VOPP1: variants seen among roughly 807,000 people sequenced by gnomAD.
VOPP1 encodes VOPP1 WW domain binding protein.
In VOPP1, 8 loss-of-function variants were observed where a neutral mutation model predicts 23.5. The ratio of observed to expected loss-of-function variants is 0.34; its 90% CI spans 0.20 to 0.61. VOPP1 has a LOEUF of 0.61. Ranked by LOEUF, VOPP1 falls within the 20% of genes least tolerant of loss-of-function variation. The pLI is 0.78. For missense variants in VOPP1, 174 were observed against 238.1 expected (o/e 0.73, Z 1.77); for synonymous variants, 83 against 97.3 (o/e 0.85, Z 0.86).
At chr7:55,508,096 C>T (rs1357819603) in intron 2 of VOPP1, among the ~76,000 whole-genome samples, 1 of 152,172 alleles carries the variant, frequency 6.6e-6, no homozygotes, top group African/African-American at 2.4e-5. Flanking sequence ...TTACTAAAAT[C>T]ACTAATATTA....
At chr7:55,534,480 G>C (rs1796668418) in intron 1 of VOPP1, among the ~76,000 whole-genome samples, 1 of 152,192 alleles carries the variant, frequency 6.6e-6, no homozygotes, top group Non-Finnish European at 1.5e-5. Context: ...CATCATTTCT[G>C]CATTAGTCAT....
intron 2 of VOPP1, 133 bp from the exon 3 acceptor site, chr7:55,497,823 C>T: frequency 1.4e-6 from 1 of 726,074 alleles, no homozygotes. Flanking sequence ...GACAGAACTG[C>T]CTCCACTGCA....
intron 4 of VOPP1, among the ~76,000 whole-genome samples, chr7:55,443,685 C>A (rs1791025487): frequency 6.9e-6 from 1 of 145,058 alleles, no homozygotes; most frequent in African/African-American, 2.5e-5. Flanking sequence ...GCTCTTATCA[C>A]CCAGGCTGGA....
At chr7:55,491,238 A>G (rs139769570) in intron 4 of VOPP1, among the ~76,000 whole-genome samples, 1,774 of 152,366 alleles carry the variant, frequency 0.012, 12 homozygotes, top group Middle Eastern at 0.02. Flanking sequence ...ATATATTAAC[A>G]TAAGACCTAC....
chr7:55,462,656 T>TA (rs1491220127), intron 4 of VOPP1, among the ~76,000 whole-genome samples: 119 of 61,338 alleles, frequency 1.9e-3, no homozygotes, highest in Admixed American at 6.7e-3. Context: ...CTTGATTATA[T>TA]TTTTTTTTTT....
chr7:55,446,606 A>T (rs1791107991), intron 4 of VOPP1, among the ~76,000 whole-genome samples: 1 of 152,242 alleles, frequency 6.6e-6, no homozygotes, highest in South Asian at 2.1e-4. Flanking sequence ...AAACTTGCCC[A>T]GGGTCACTGA....
intron 1 of VOPP1, among the ~76,000 whole-genome samples, chr7:55,529,057 T>C (rs1796346282): frequency 6.6e-6 from 1 of 152,058 alleles, no homozygotes; most frequent in Non-Finnish European, 1.5e-5. Flanking sequence ...TGATAGAGGC[T>C]GTTGTGGCAA....
chr7:55,532,258 C>T (rs142471041), intron 1 of VOPP1, among the ~76,000 whole-genome samples: 70 of 152,348 alleles, frequency 4.6e-4, no homozygotes, highest in African/African-American at 1.6e-3. Flanking sequence ...CTGCCGCATG[C>T]CTGCTTCTGT....
At chr7:55,571,954 G>A (rs1295568377) in intron 1 of VOPP1, 1 of 273,420 alleles carries the variant, frequency 3.7e-6, no homozygotes, top group Non-Finnish European at 6.9e-6. Flanking sequence ...CTGCGGCGGG[G>A]AGAGGGGGCG....
intron 1 of VOPP1, among the ~76,000 whole-genome samples, chr7:55,555,059 C>T (rs1197176830): frequency 6.6e-6 from 1 of 152,178 alleles, no homozygotes; most frequent in East Asian, 1.9e-4. Flanking sequence ...ATGAATCATG[C>T]CTCTAGGCCA....
chr7:55,567,766 G>A (rs867909089), intron 1 of VOPP1, among the ~76,000 whole-genome samples: 1 of 152,294 alleles, frequency 6.6e-6, no homozygotes, highest in East Asian at 1.9e-4. Context: ...TCCAGAGACA[G>A]CAAACTCCCT....
intron 1 of VOPP1, among the ~76,000 whole-genome samples, chr7:55,536,454 T>C (rs1286685892): frequency 6.6e-6 from 1 of 152,046 alleles, no homozygotes; most frequent in African/African-American, 2.4e-5. Context: ...GCTTGAACCC[T>C]GGAGGCAGAG....
intron 4 of VOPP1, among the ~76,000 whole-genome samples, chr7:55,491,379 T>C (rs1042930048): frequency 2.6e-5 from 4 of 152,262 alleles, no homozygotes. Context: ...CCACTGCTCC[T>C]AGAACTGACC....
intron 1 of VOPP1, among the ~76,000 whole-genome samples, chr7:55,563,734 T>G (rs1798062519): frequency 6.6e-6 from 1 of 152,244 alleles, no homozygotes; most frequent in Non-Finnish European, 1.5e-5. Context: ...AGGTCAGGTG[T>G]GAAATTTTCC....
intron 4 of VOPP1, among the ~76,000 whole-genome samples, chr7:55,457,351 T>C (rs576336263): frequency 1.3e-5 from 2 of 152,368 alleles, no homozygotes; most frequent in East Asian, 3.9e-4. Flanking sequence ...TCTCATTTTC[T>C]TTCTTCATTC....
intron 1 of VOPP1, chr7:55,537,601 C>T: frequency 1.3e-6 from 2 of 1,535,632 alleles, no homozygotes; most frequent in Admixed American, 2.0e-5. Context: ...ACTGCTGGGT[C>T]ACACGCAGCC....
Position 55,496,274 on chromosome 7 carries a change from G to A in VOPP1, c.191+1339C>T, listed in dbSNP as rs569588889. On this transcript the variant is annotated intron_variant, in intron 3 of 4. Transcript: ENST00000285279. ...CAGGGTTTCACACTCCAGACGGTCC[G>A]CCTCCTTCCACTCCAAGGTCCCAGG... is the stretch of plus-strand genomic sequence containing the variant. Among the ~76,000 whole-genome samples, 12 of 149,780 alleles carry A rather than the reference G, an allele frequency of 8.0e-5. No homozygotes were observed. The South Asian group carries it at 2.1e-3, about 27-fold the overall frequency.
At chr7:55,547,819 C>T (rs1797432194) in intron 1 of VOPP1, among the ~76,000 whole-genome samples, 1 of 152,148 alleles carries the variant, frequency 6.6e-6, no homozygotes, top group Admixed American at 6.5e-5. Flanking sequence ...AGATCTTTTC[C>T]ATTTTACCAC....
chr7:55,522,418 C>T (rs1034439343), intron 1 of VOPP1, among the ~76,000 whole-genome samples: 4 of 152,186 alleles, frequency 2.6e-5, no homozygotes, highest in Admixed American at 6.5e-5. Flanking sequence ...ACTAGGTTAG[C>T]TCCTGTCCAG....
Sources: gnomAD v4.1 joint callset for allele counts (sites outside exome capture counted in the v4.1 genomes callset) on GRCh38, gnomAD v4.1.1 for gene constraint, MANE v1.5 for transcripts, NCBI Gene and HGNC (gene_info 2026-07-23, HGNC 2026-07-21) for gene names.